The following RCAN1 variants were observed in gnomAD, a reference collection of about 807,000 sequenced individuals.
The protein encoded by RCAN1 is calcipressin-1.
Under a neutral mutation model 22.9 loss-of-function variants are expected in RCAN1, and 11 were observed. That is an observed-to-expected ratio of 0.48 (90% CI 0.30 to 0.79). RCAN1 has a LOEUF of 0.79. RCAN1 is among the 30% of genes least tolerant of loss of function. The pLI is 0.06. For missense variants in RCAN1, 291 were observed against 337.8 expected, an observed-to-expected ratio of 0.86 and a Z score of 1.09; for synonymous variants, 136 against 142.3, an observed-to-expected ratio of 0.96 and a Z score of 0.32.
chr21:34,590,936 A>G (rs556524940), intron 1 of RCAN1, among the ~76,000 whole-genome samples: 1 of 151,456 alleles, frequency 6.6e-6, no homozygotes, highest in East Asian at 1.9e-4. Context: ...GCAATATTTT[A>G]TGTCTTCATC....
chr21:34,589,196 GA>G (rs1987893772), intron 1 of RCAN1, among the ~76,000 whole-genome samples: 1 of 152,010 alleles, frequency 6.6e-6, no homozygotes, highest in Non-Finnish European at 1.5e-5. Context: ...GTTTAGTAAA[GA>G]AAAAAATCAA....
At chr21:34,519,090 C>G (rs114311172) in intron 3 of RCAN1, among the ~76,000 whole-genome samples, 2,555 of 152,306 alleles carry the variant, frequency 0.017, 68 homozygotes, top group African/African-American at 0.058. Context: ...CTGTGCACCT[C>G]AGTTCCCTCC....
Position 34,614,877 on chromosome 21 carries a change from GC to G in RCAN1, c.134del (p.Gly45AlafsTer67). 6.9e-7 allele frequency: 1 copy of G among 1,453,672 alleles called. No individual in the cohort carries two copies. The allele number at this position is 1,453,672 out of a possible 1,614,324, so 90.0% of individuals were successfully genotyped here. ...PLSGAAEADE[G>X]GGDWSFIDCE... ...AGTCAATGAAGCTCCAGTCGCCGCC[GC>G]CCTCGTCCGCCTCGGCCGCCCCCGA... On this transcript the variant is annotated frameshift_variant, in exon 1 of 4. Coordinates refer to ENST00000313806, the MANE Select transcript of RCAN1 (RefSeq NM_004414.7). LOFTEE classifies it high-confidence loss of function. The surrounding 1 kb of genome is among the most constrained non-coding windows in gnomAD (Gnocchi z 6.0).
chr21:34,521,517 T>C lies in RCAN1; in HGVS notation c.568A>G (p.Ile190Val), dbSNP rs1249526177. The C allele has an allele frequency of 3.1e-6, 5 of 1,614,088 alleles. No individual in the cohort carries two copies. Among genetic ancestry groups the C allele is most frequent in the East Asian group, 2.2e-5 (1 of 44,890 alleles). Residue 190 changes from isoleucine to valine, a missense_variant, in exon 3 of 4, where the codon ATC becomes GTC. By Grantham distance (29) the Ile-to-Val change is conservative (BLOSUM62 3). Transcript: ENST00000313806. ...PVINYDLLYAISKLGPGEKYE... is the reference protein window; with the variant it reads ...PVINYDLLYAVSKLGPGEKYE... ...TGCTCACCTGGCCCCAGCTTGGAGA[T>C]GGCATATAAGAGATCATAGTTTATG... is the stretch of plus-strand genomic sequence containing the variant.
chr21:34,529,147 G>A (rs752390300), intron 1 of RCAN1, among the ~76,000 whole-genome samples: 1 of 152,102 alleles, frequency 6.6e-6, no homozygotes, highest in Non-Finnish European at 1.5e-5. Context: ...AGTAAGAGCC[G>A]GTCAAAATGG....
chr21:34,614,273 C>T lies in RCAN1; in HGVS notation c.252+487G>A. The T allele has an allele frequency of 1.0e-6, 1 of 993,638 alleles. No homozygotes were observed. The highest frequency in any genetic ancestry group is 1.2e-6 in the Non-Finnish European group (1 of 835,766). 61.6% of individuals were successfully genotyped at this position (993,638 alleles called of 1,614,324 possible). On this transcript the variant is annotated intron_variant, in intron 1 of 3. Coordinates refer to ENST00000313806, the MANE Select transcript of RCAN1 (RefSeq NM_004414.7). This position sits in a 1 kb window ranked among gnomAD's most constrained non-coding sequence, Gnocchi z 6.0. ...GCTGGCTAATGAGCAACCACGGATC[C>T]TCACCCAAACATTGGCTTTTCTTCC...
intron 1 of RCAN1, among the ~76,000 whole-genome samples, chr21:34,586,014 T>A (rs1265697063): frequency 1.3e-5 from 2 of 152,056 alleles, no homozygotes; most frequent in African/African-American, 4.8e-5. Context: ...TCTGTATATA[T>A]CCAATAATAT....
intron 1 of RCAN1, among the ~76,000 whole-genome samples, chr21:34,589,653 G>A (rs1220279834): frequency 6.6e-6 from 1 of 152,112 alleles, no homozygotes; most frequent in Non-Finnish European, 1.5e-5. Flanking sequence ...CCCAATGTGG[G>A]TGGGCATCAT....
At chr21:34,521,134 C>G in intron 3 of RCAN1, 4 of 1,260,944 alleles carry the variant, frequency 3.2e-6, no homozygotes, top group Non-Finnish European at 4.0e-6. Flanking sequence ...CATCGATTTT[C>G]CCTTTCCAAA....
chr21:34,528,181 C>T (rs1447086462), intron 1 of RCAN1, among the ~76,000 whole-genome samples: 1 of 152,174 alleles, frequency 6.6e-6, no homozygotes, highest in Non-Finnish European at 1.5e-5. Flanking sequence ...CTGCCATTCA[C>T]ATTTAAAAAT....
intron 1 of RCAN1, among the ~76,000 whole-genome samples, chr21:34,592,317 T>C (rs1988000460): frequency 6.6e-6 from 1 of 152,192 alleles, no homozygotes; most frequent in Non-Finnish European, 1.5e-5. Context: ...AGCACAGCTC[T>C]CATGAGTCCC....
Position 34,539,017 on chromosome 21 carries a change from C to T in RCAN1, c.253-15307G>A, listed in dbSNP as rs147762817. On this transcript the variant is annotated intron_variant, in intron 1 of 3. Transcript: ENST00000313806. ...AACACTACAAAAATGCTGCTTATTCCACTCCAAATCATTAGCTCATCATCC... is the reference window on the plus strand; with the variant it reads ...AACACTACAAAAATGCTGCTTATTCTACTCCAAATCATTAGCTCATCATCC... Among the ~76,000 whole-genome samples, 355 of 152,246 alleles carry T rather than the reference C, an allele frequency of 2.3e-3. 1 individual carries two copies. Among genetic ancestry groups the T allele is most frequent in the African/African-American group, 7.9e-3 (328 of 41,532 alleles).
At chr21:34,571,530 G>C (rs1198472541) in intron 1 of RCAN1, among the ~76,000 whole-genome samples, 4 of 152,172 alleles carry the variant, frequency 2.6e-5, no homozygotes, top group Non-Finnish European at 5.9e-5. Context: ...CAATCAGTTT[G>C]TTTTAAATTA....
intron 1 of RCAN1, among the ~76,000 whole-genome samples, chr21:34,609,506 A>G (rs1988628659): frequency 6.6e-6 from 1 of 152,236 alleles, no homozygotes; most frequent in Admixed American, 6.5e-5. Flanking sequence ...ATATGTATGA[A>G]AATGAGTGGA....
chr21:34,614,086 G>C lies in RCAN1; in HGVS notation c.252+674C>G, dbSNP rs867566940. On this transcript the variant is annotated intron_variant, in intron 1 of 3. Transcript: ENST00000313806. This position sits in a 1 kb window ranked among gnomAD's most constrained non-coding sequence, Gnocchi z 6.0. The stretch of plus-strand genomic sequence containing the variant: ...TAAATTGTGTGGATTTTGCGGGGGT[G>C]GGGGGAGGCGGGGGAAGGAGTCGAC... Among the ~76,000 whole-genome samples, 2 of 152,182 alleles carry C rather than the reference G, an allele frequency of 1.3e-5. No individual in the cohort carries two copies. Among genetic ancestry groups the C allele is most frequent in the South Asian group, 2.1e-4 (1 of 4,830 alleles).
At chr21:34,545,722 C>A (rs1309065953) in intron 1 of RCAN1, among the ~76,000 whole-genome samples, 1 of 152,196 alleles carries the variant, frequency 6.6e-6, no homozygotes, top group Non-Finnish European at 1.5e-5. Context: ...GTCCCCTCTC[C>A]CTACAAATGC....
intron 1 of RCAN1, among the ~76,000 whole-genome samples, chr21:34,534,346 A>G (rs1419674209): frequency 1.3e-5 from 2 of 151,762 alleles, no homozygotes; most frequent in Non-Finnish European, 2.9e-5. Context: ...ATTAAGTCCA[A>G]TTCCTCCAGG....
At chr21:34,611,494 A>T (rs1302398712) in intron 1 of RCAN1, among the ~76,000 whole-genome samples, 1 of 152,220 alleles carries the variant, frequency 6.6e-6, no homozygotes, top group Non-Finnish European at 1.5e-5. Flanking sequence ...AAAGAATTCT[A>T]GTTCAGGTTA....
intron 1 of RCAN1, among the ~76,000 whole-genome samples, chr21:34,611,844 T>C (rs1329264530): frequency 6.6e-6 from 1 of 152,214 alleles, no homozygotes; most frequent in Admixed American, 6.5e-5. Flanking sequence ...GTCCACTTGC[T>C]GCAAGGCTTA....
Sources: gnomAD v4.1 joint callset for allele counts (sites outside exome capture counted in the v4.1 genomes callset) on GRCh38, gnomAD v4.1.1 for gene constraint, Gnocchi (gnomAD v3.1) non-coding constraint, MANE v1.5 for transcripts, NCBI Gene and HGNC (gene_info 2026-07-23, HGNC 2026-07-21) for gene names.